HOATZ: variants seen among roughly 807,000 people sequenced by gnomAD.
The protein encoded by HOATZ is HOATZ cilia and flagella associated protein, also known as cilia- and flagella-associated protein HOATZ.
A neutral mutation model predicts 24.9 loss-of-function variants in HOATZ; 26 were observed. The observed-to-expected ratio is 1.04, with a 90% CI of 0.76 to 1.45. The LOEUF is 1.45. HOATZ is among the 40% of genes most tolerant of loss of function. HOATZ has a pLI of 0.00. For missense variants in HOATZ, 226 were observed against 201.5 expected, an observed-to-expected ratio of 1.12 and a Z score of -0.74; for synonymous variants, 83 against 76.6, an observed-to-expected ratio of 1.08 and a Z score of -0.43.
intron 3 of HOATZ, among the ~76,000 whole-genome samples, 158 bp from the exon 4 acceptor site, chr11:111,533,588 A>C (rs1867416903): frequency 6.6e-6 from 1 of 152,198 alleles, no homozygotes; most frequent in Non-Finnish European, 1.5e-5. Context: ...TTGAATAAAA[A>C]CAGGATTTTG....
intron 3 of HOATZ, among the ~76,000 whole-genome samples, chr11:111,522,915 G>A (rs188168639): frequency 1.3e-3 from 202 of 152,210 alleles, no homozygotes; most frequent in Non-Finnish European, 2.3e-3. Flanking sequence ...GTGAAACCCC[G>A]TCTCTACTAA....
At chr11:111,535,420 A>G (rs1038181353) in intron 5 of HOATZ, 2 of 152,244 alleles carry the variant, frequency 1.3e-5, no homozygotes, top group Non-Finnish European at 2.9e-5. Flanking sequence ...CTTAAATAGC[A>G]TCAATAGATA....
In HOATZ at chr11:111,514,968, C is replaced by T. The variant is rs754294942; in HGVS notation, c.184C>T (p.Gln62Ter). 1.9e-6 allele frequency: 3 copies of T among 1,613,596 alleles called. No homozygotes were observed. Among genetic ancestry groups the T allele is most frequent in the Admixed American group, 1.7e-5 (1 of 60,008 alleles). The change falls in exon 1 of 6, where the codon CAG becomes TAG. Residue 62 changes from glutamine (Q) to a stop codon, truncating the protein, a stop_gained. Transcript: ENST00000375618. LOFTEE classifies it high-confidence loss of function. ...SQLVLRRDSS[Q>*]RLPVARPRRS... ...GCTGGTGCTGCGCAGAGACAGCAGTCAGCGTCTGCCGGTGGCGCGGCCCAG... is the reference window on the plus strand; with the variant it reads ...GCTGGTGCTGCGCAGAGACAGCAGTTAGCGTCTGCCGGTGGCGCGGCCCAG...
chr11:111,534,154 A>C (rs2135782747), intron 4 of HOATZ, among the ~76,000 whole-genome samples: 1 of 152,362 alleles, frequency 6.6e-6, no homozygotes, highest in East Asian at 1.9e-4. Flanking sequence ...ATAAATGTTA[A>C]ATGAAGAGAA....
intron 3 of HOATZ, among the ~76,000 whole-genome samples, chr11:111,523,594 T>G (rs1867296358): frequency 6.6e-6 from 1 of 152,146 alleles, no homozygotes; most frequent in Non-Finnish European, 1.5e-5. Context: ...GAATCACAGT[T>G]TAACATACCA....
chr11:111,531,845 C>T (rs1385948106), intron 3 of HOATZ, among the ~76,000 whole-genome samples: 1 of 152,198 alleles, frequency 6.6e-6, no homozygotes, highest in Non-Finnish European at 1.5e-5. Flanking sequence ...GCGTGGGCCC[C>T]TTCTCTGTGT....
Position 111,515,502 on chromosome 11 carries a change from AT to A in HOATZ, c.227-3del. The A allele has an allele frequency of 6.2e-7, 1 of 1,612,270 alleles. No homozygotes were observed. The highest frequency in any genetic ancestry group is 8.5e-7 in the Non-Finnish European group (1 of 1,178,446). ...AATGATTTCTTTACTTCCCTTTTGTATTTTTTAGAAAACAGCCACTCCTCGC... is the reference window on the plus strand; with the variant it reads ...AATGATTTCTTTACTTCCCTTTTGTATTTTTAGAAAACAGCCACTCCTCGC... On this transcript the variant is annotated splice_polypyrimidine_tract_variant and splice_region_variant and intron_variant, in intron 1 of 5. Transcript: ENST00000375618.
intron 5 of HOATZ, chr11:111,534,779 A>T (rs1415073072): frequency 3.7e-6 from 1 of 271,178 alleles, no homozygotes; most frequent in East Asian, 7.9e-5. Flanking sequence ...TGCCCTCCTG[A>T]CTCCACTGTC....
At chr11:111,526,220 C>G (rs752955698) in intron 3 of HOATZ, among the ~76,000 whole-genome samples, 4 of 152,070 alleles carry the variant, frequency 2.6e-5, no homozygotes, top group Non-Finnish European at 4.4e-5. Flanking sequence ...AGGTTAGGCT[C>G]CAGTAAGAAC....
chr11:111,531,458 T>G (rs1292617415), intron 3 of HOATZ, among the ~76,000 whole-genome samples: 1 of 152,136 alleles, frequency 6.6e-6, no homozygotes, highest in South Asian at 2.1e-4. Flanking sequence ...ATAATAAAGG[T>G]ATAAAGTGCT....
chr11:111,531,141 A>G (rs1169709256), intron 3 of HOATZ, among the ~76,000 whole-genome samples: 2 of 152,374 alleles, frequency 1.3e-5, no homozygotes, highest in Admixed American at 1.3e-4. Flanking sequence ...TGATTTCCCA[A>G]TAGTTACACA....
Position 111,516,100 on chromosome 11 carries a change from A to G in HOATZ, c.329A>G (p.Tyr110Cys). 2 of 1,589,324 alleles carry G rather than the reference A, an allele frequency of 1.3e-6. No individual in the cohort carries two copies. The highest frequency in any genetic ancestry group is 1.7e-6 in the Non-Finnish European group (2 of 1,163,872). ...KIQESEEKVK[Y>C]LQKAKTREEI... Reference sequence around the variant, plus strand: ...CAGGAATCTGAGGAGAAAGTAAAGTATCTCCAAAAGGTAGGCCAATATTTC... The same window carrying G: ...CAGGAATCTGAGGAGAAAGTAAAGTGTCTCCAAAAGGTAGGCCAATATTTC... The change falls in exon 3 of 6, where the codon TAT becomes TGT. Residue 110 changes from tyrosine to cysteine, a missense_variant. Physicochemically the swap from Tyr to Cys is radical, Grantham distance 194. Coordinates refer to ENST00000375618, the MANE Select transcript of HOATZ (RefSeq NM_001100388.2).
rs145588862 is a variant in HOATZ, at chr11:111,519,966, G to T, written c.339+3856G>T. Among the ~76,000 whole-genome samples the T allele has an allele frequency of 3.0e-4, 46 of 152,132 alleles. No individual in the cohort carries two copies. In the East Asian group the frequency reaches 6.2e-3, roughly 20 times the overall value. On this transcript the variant is annotated intron_variant, in intron 3 of 5. Coordinates refer to ENST00000375618, the MANE Select transcript of HOATZ (RefSeq NM_001100388.2). ...TTCTCCATTTTGGAATATTTTCCAG[G>T]TATACATTATAACAAATGCTTTTGG...
intron 3 of HOATZ, among the ~76,000 whole-genome samples, chr11:111,520,649 T>C (rs1223323367): frequency 6.6e-6 from 1 of 152,238 alleles, no homozygotes; most frequent in Non-Finnish European, 1.5e-5. Context: ...TTCAGCTACC[T>C]GCAGTCAACC....
At chr11:111,520,088 C>T (rs1258275962) in intron 3 of HOATZ, among the ~76,000 whole-genome samples, 1 of 152,194 alleles carries the variant, frequency 6.6e-6, no homozygotes, top group Non-Finnish European at 1.5e-5. Flanking sequence ...GATTAAATGG[C>T]TTGCTCTGTC....
chr11:111,517,276 T>G (rs1867216994), intron 3 of HOATZ, among the ~76,000 whole-genome samples: 1 of 152,190 alleles, frequency 6.6e-6, no homozygotes. Flanking sequence ...AAAGCCTAAT[T>G]TTCAGTGAAT....
chr11:111,515,101 G>T, intron 1 of HOATZ, 91 bp downstream of exon 1: 2 of 820,934 alleles, frequency 2.4e-6, no homozygotes, highest in East Asian at 2.5e-5. Flanking sequence ...AAACTGCAAT[G>T]GTATATACAA....
intron 3 of HOATZ, among the ~76,000 whole-genome samples, chr11:111,531,171 G>A (rs1867389011): frequency 6.6e-6 from 1 of 152,068 alleles, no homozygotes; most frequent in Non-Finnish European, 1.5e-5. Flanking sequence ...ATATAATTTT[G>A]TTCATAGGGG....
chr11:111,515,180 A>G (rs1305991981), intron 1 of HOATZ, 170 bp downstream of exon 1: 1 of 615,490 alleles, frequency 1.6e-6, no homozygotes, highest in African/African-American at 1.8e-5. Context: ...CTTCCACCCG[A>G]AAAGGATCAG....
Sources: gnomAD v4.1 joint callset for allele counts (sites outside exome capture counted in the v4.1 genomes callset) on GRCh38, gnomAD v4.1.1 for gene constraint, MANE v1.5 for transcripts, NCBI Gene and HGNC (gene_info 2026-07-23, HGNC 2026-07-21) for gene names.